FAM135B: variants seen among roughly 807,000 people sequenced by gnomAD.
FAM135B encodes protein FAM135B.
A neutral mutation model predicts 127.7 loss-of-function variants in FAM135B; 43 were observed. The ratio of observed to expected loss-of-function variants is 0.34; its 90% confidence interval spans 0.26 to 0.43. The LOEUF is 0.43. Ranked by LOEUF, FAM135B falls within the 20% of genes least tolerant of loss-of-function variation. The pLI is 1.00. For synonymous variants in FAM135B, 670 were observed against 665.1 expected, an observed-to-expected ratio of 1.01 and a Z score of -0.11; for missense variants, 1,558 against 1,725.6, an observed-to-expected ratio of 0.90 and a Z score of 1.72.
intron 3 of FAM135B, among the ~76,000 whole-genome samples, chr8:138,305,930 T>C (rs1263404409): frequency 6.6e-6 from 1 of 152,206 alleles, no homozygotes; most frequent in East Asian, 1.9e-4. Flanking sequence ...TGTATATGTA[T>C]ACATATGCAT....
intron 3 of FAM135B, among the ~76,000 whole-genome samples, chr8:138,279,849 C>T (rs1824123776): frequency 6.6e-6 from 1 of 152,090 alleles, no homozygotes; most frequent in Admixed American, 6.6e-5. Flanking sequence ...GAGTCTCTTC[C>T]CTGTGACCTA....
At chr8:138,447,735 C>T (rs1836264854) in intron 1 of FAM135B, among the ~76,000 whole-genome samples, 1 of 151,044 alleles carries the variant, frequency 6.6e-6, no homozygotes, top group Admixed American at 6.6e-5. Flanking sequence ...TGCAGCACAC[C>T]AACATGGCAC....
Position 138,285,134 on chromosome 8 carries a change from A to ATTTTTTTTTT in FAM135B, c.158-19302_158-19293dup, listed in dbSNP as rs386414180. Reference sequence around the variant, plus strand: ...TGGAAAACATATATTGGCTCTACTAATTTTTTTTTTTTTTTTTTTTTTTTT... The same window carrying ATTTTTTTTTT: ...TGGAAAACATATATTGGCTCTACTAATTTTTTTTTTTTTTTTTTTTTTTTTTTTTTTTTTT... On this transcript the variant is annotated intron_variant, in intron 3 of 19. Coordinates refer to ENST00000395297, the MANE Select transcript of FAM135B (RefSeq NM_015912.4). Among the ~76,000 whole-genome samples the ATTTTTTTTTT allele has an allele frequency of 2.9e-4, 16 of 54,792 alleles. 1 individual carries two copies. Among genetic ancestry groups the ATTTTTTTTTT allele is most frequent in the East Asian group, 6.9e-4 (1 of 1,444 alleles). The allele number at this position is 54,792 out of a possible 152,430, so 35.9% of individuals were successfully genotyped here. A position where few individuals can be genotyped will look rare whatever the true frequency, so the allele number is the denominator to read the frequency against.
chr8:138,256,699 T>G lies in FAM135B; in HGVS notation c.358A>C (p.Ser120Arg). ...TTCCATGACACTCACTGCTGTTCAC[T>G]GTCCGTAAAGTGCAGATCCACCTTG... ...QLKVDLHFTDSEQQLRDVAGA... is the reference protein window; with the variant it reads ...QLKVDLHFTDREQQLRDVAGA... Residue 120 changes from serine (S) to arginine (R), a missense_variant, in exon 5 of 20, where the codon AGT becomes CGT. This residue lies in a region of FAM135B where 199 missense variants were observed against 245.7 expected (regional missense o/e 0.81). Coordinates refer to ENST00000395297, the MANE Select transcript of FAM135B (RefSeq NM_015912.4). 2 of 1,613,862 alleles carry G rather than the reference T, an allele frequency of 1.2e-6. No homozygotes were observed. Among genetic ancestry groups the G allele is most frequent in the Non-Finnish European group, 1.7e-6 (2 of 1,179,818 alleles).
intron 1 of FAM135B, among the ~76,000 whole-genome samples, chr8:138,409,701 G>A (rs576697195): frequency 1.3e-4 from 19 of 151,818 alleles, no homozygotes; most frequent in African/African-American, 3.6e-4. Flanking sequence ...TGGTGAAACC[G>A]TGTCTCCACT....
chr8:138,177,326 G>A, intron 11 of FAM135B, 21 bp downstream of exon 11: 1 of 1,609,512 alleles, frequency 6.2e-7, no homozygotes. Flanking sequence ...GGGATGAAGT[G>A]GGCATGCAAT....
chr8:138,253,916 G>T (rs1821890337), intron 5 of FAM135B, among the ~76,000 whole-genome samples: 1 of 152,146 alleles, frequency 6.6e-6, no homozygotes, highest in African/African-American at 2.4e-5. Context: ...TAAAAAATGT[G>T]GCATTTTCAA....
intron 12 of FAM135B, among the ~76,000 whole-genome samples, chr8:138,165,576 A>G (rs1182381189): frequency 6.6e-6 from 1 of 152,230 alleles, no homozygotes; most frequent in Non-Finnish European, 1.5e-5. Flanking sequence ...ATAATACTAG[A>G]GGATCTGCTA....
chr8:138,229,065 G>A (rs1819704773), intron 7 of FAM135B, among the ~76,000 whole-genome samples: 1 of 147,112 alleles, frequency 6.8e-6, no homozygotes. Flanking sequence ...GTGTGTGCGT[G>A]TGTACACCAC....
chr8:138,135,451 T>A (rs550942771), intron 19 of FAM135B, among the ~76,000 whole-genome samples: 21 of 152,212 alleles, frequency 1.4e-4, no homozygotes, highest in Admixed American at 4.6e-4. Context: ...GGATTAAAAA[T>A]ATACATAAAA....
At chr8:138,170,466 C>T (rs534288834) in intron 11 of FAM135B, among the ~76,000 whole-genome samples, 4 of 152,114 alleles carry the variant, frequency 2.6e-5, no homozygotes, top group Non-Finnish European at 4.4e-5. Flanking sequence ...AGGTGATCTG[C>T]CCACCTAGGC....
At chr8:138,436,603 G>A (rs192946730) in intron 1 of FAM135B, among the ~76,000 whole-genome samples, 1 of 152,286 alleles carries the variant, frequency 6.6e-6, no homozygotes, top group Non-Finnish European at 1.5e-5. Context: ...TTGCAACCAT[G>A]TGTTCACGTT....
chr8:138,316,603 A>C (rs533141785), intron 2 of FAM135B, among the ~76,000 whole-genome samples: 1 of 152,360 alleles, frequency 6.6e-6, no homozygotes, highest in South Asian at 2.1e-4. Context: ...GCAATTATGC[A>C]GGCAAAGTGG....
At chr8:138,385,408 C>G (rs1381036040) in intron 1 of FAM135B, among the ~76,000 whole-genome samples, 1 of 152,122 alleles carries the variant, frequency 6.6e-6, no homozygotes, top group Non-Finnish European at 1.5e-5. Context: ...GGGCTCAACC[C>G]CCACACAGCA....
At chr8:138,143,489 AC>A (rs961521573) in intron 15 of FAM135B, among the ~76,000 whole-genome samples, 5 of 152,150 alleles carry the variant, frequency 3.3e-5, no homozygotes, top group African/African-American at 1.2e-4. Flanking sequence ...CAGCGTTCAC[AC>A]CAAGACAGGC....
intron 7 of FAM135B, among the ~76,000 whole-genome samples, chr8:138,225,838 C>T (rs1819385929): frequency 6.6e-6 from 1 of 152,150 alleles, no homozygotes; most frequent in South Asian, 2.1e-4. Context: ...GCTTTCAACA[C>T]CAACCCTCAT....
chr8:138,189,921 A>G (rs1815956042), intron 9 of FAM135B, among the ~76,000 whole-genome samples: 1 of 152,168 alleles, frequency 6.6e-6, no homozygotes, highest in South Asian at 2.1e-4. Context: ...ATCACAGACA[A>G]CCTGCTGGCA....
intron 8 of FAM135B, among the ~76,000 whole-genome samples, chr8:138,195,633 TACACACACACACACACACACACACAA>T (rs1816557448): frequency 6.7e-6 from 1 of 149,668 alleles, no homozygotes; most frequent in African/African-American, 2.5e-5. Context: ...TTTTTGCAGG[TACACACACACACACACACACACACAA>T]ACACACACAC....
chr8:138,251,561 A>G (rs1003441012), intron 5 of FAM135B, among the ~76,000 whole-genome samples: 29 of 152,316 alleles, frequency 1.9e-4, no homozygotes, highest in Admixed American at 1.8e-3. Flanking sequence ...GACTGAACGA[A>G]CAAAAGAATG....
Sources: allele counts gnomAD v4.1 joint callset (sites outside exome capture counted in the v4.1 genomes callset), GRCh38; gene constraint gnomAD v4.1.1; regional missense constraint gnomAD v4.1.1; transcripts MANE v1.5; gene names NCBI Gene and HGNC (gene_info 2026-07-23, HGNC 2026-07-21).